The following FSTL4 variants were observed in gnomAD, a reference collection of about 807,000 sequenced individuals.
FSTL4 encodes the protein follistatin-related protein 4.
Under a neutral mutation model 78.2 loss-of-function variants are expected in FSTL4, and 28 were observed. That is an observed-to-expected ratio of 0.36 (90% CI 0.27 to 0.49). The LOEUF (loss-of-function observed/expected upper bound fraction) is 0.49, where lower values mean the gene tolerates loss of function less well. Among genes scored for constraint, FSTL4 ranks in the 20% least tolerant of loss-of-function variants. The pLI is 0.98. For synonymous variants in FSTL4, 422 were observed against 440.5 expected (o/e 0.96, Z 0.53); for missense variants, 922 against 1,084.9 (o/e 0.85, Z 2.11).
chr5:133,746,813 A>C, the FSTL4 span, among the ~76,000 whole-genome samples: 2 of 152,228 alleles, frequency 1.3e-5, no homozygotes, highest in Non-Finnish European at 2.9e-5. Flanking sequence ...CAGCAAATCT[A>C]ACCATTGAAA....
chr5:133,253,132 T>C (rs1752300154), intron 6 of FSTL4, among the ~76,000 whole-genome samples: 1 of 152,260 alleles, frequency 6.6e-6, no homozygotes, highest in Non-Finnish European at 1.5e-5. Flanking sequence ...AAGGGATTTA[T>C]GGCTACTGAG....
intron 5 of FSTL4, among the ~76,000 whole-genome samples, chr5:133,313,586 A>T (rs1277166772): frequency 6.6e-6 from 1 of 152,154 alleles, no homozygotes; most frequent in Non-Finnish European, 1.5e-5. Context: ...GAAAATGCTC[A>T]GAAGGAAATC....
intron 3 of FSTL4, among the ~76,000 whole-genome samples, chr5:133,563,026 T>A (rs1759952604): frequency 6.6e-6 from 1 of 152,096 alleles, no homozygotes; most frequent in South Asian, 2.1e-4. Context: ...CTGGAGGGAG[T>A]TATAAAAATA....
the FSTL4 span, among the ~76,000 whole-genome samples, chr5:133,712,492 G>A: frequency 3.9e-5 from 6 of 152,188 alleles, no homozygotes; most frequent in East Asian, 1.9e-4. Context: ...TTCCAGCCAC[G>A]TGACTTGGCA....
chr5:133,333,196 C>T (rs1264212867), intron 4 of FSTL4, among the ~76,000 whole-genome samples: 2 of 152,314 alleles, frequency 1.3e-5, no homozygotes, highest in East Asian at 3.9e-4. Flanking sequence ...CATCACAAAT[C>T]CCAGGTCATA....
intron 3 of FSTL4, among the ~76,000 whole-genome samples, chr5:133,562,487 G>T (rs1209228208): frequency 1.3e-5 from 2 of 152,074 alleles, no homozygotes; most frequent in Non-Finnish European, 2.9e-5. Flanking sequence ...GGTCATGTTT[G>T]CTTAGGAGAT....
the FSTL4 span, among the ~76,000 whole-genome samples, chr5:133,669,920 C>A: frequency 6.6e-6 from 1 of 152,122 alleles, no homozygotes; most frequent in Non-Finnish European, 1.5e-5. Context: ...TTTCCATGAA[C>A]CTCAAGATAA....
chr5:133,526,072 C>T (rs897897741), intron 3 of FSTL4, among the ~76,000 whole-genome samples: 34 of 152,092 alleles, frequency 2.2e-4, no homozygotes, highest in African/African-American at 5.6e-4. Context: ...GAGGAAAGCA[C>T]GACTTTAACA....
At chr5:133,401,843 TAGG>T (rs1327756399) in intron 3 of FSTL4, among the ~76,000 whole-genome samples, 4 of 149,028 alleles carry the variant, frequency 2.7e-5, no homozygotes, top group Admixed American at 6.6e-5. Flanking sequence ...TAGATGTGAG[TAGG>T]AGTTTTGTAC....
At chr5:133,646,640 G>C in the FSTL4 span, among the ~76,000 whole-genome samples, 1 of 152,178 alleles carries the variant, frequency 6.6e-6, no homozygotes, top group Non-Finnish European at 1.5e-5. Context: ...TCAAGGTGCA[G>C]AGGAGATGGA....
chr5:133,434,817 T>C (rs1757006034), intron 3 of FSTL4, among the ~76,000 whole-genome samples: 1 of 142,764 alleles, frequency 7.0e-6, no homozygotes, highest in South Asian at 2.2e-4. Flanking sequence ...TGGCCAAAAA[T>C]ATATTGTTAA....
At chr5:133,489,917 AC>A (rs1758222532) in intron 3 of FSTL4, among the ~76,000 whole-genome samples, 1 of 152,126 alleles carries the variant, frequency 6.6e-6, no homozygotes, top group African/African-American at 2.4e-5. Context: ...ATCTCCTACA[AC>A]TGCAACCAGT....
the FSTL4 span, among the ~76,000 whole-genome samples, chr5:133,744,044 T>C: frequency 6.6e-6 from 1 of 152,228 alleles, no homozygotes; most frequent in South Asian, 2.1e-4. Flanking sequence ...CTGTCTTTGG[T>C]GACATCATTC....
In FSTL4 at chr5:133,199,527, G is replaced by C; in HGVS notation, c.2097C>G (p.Arg699=). 3.7e-6 allele frequency: 6 copies of C among 1,614,134 alleles called. No homozygotes were observed. Among genetic ancestry groups the C allele is most frequent in the Non-Finnish European group, 5.1e-6 (6 of 1,179,938 alleles). ...TGTCAGCTGCAGCACTGACTATGAA[G>C]CGCCCGTCGGGGGATGTGTGTGGGG... ...TGTPHTSPDG[R]FIVSAAADSP... is the part of the protein sequence containing the mutation. The change falls in exon 16 of 16, where the codon CGC becomes CGG. Residue 699 remains arginine, a synonymous_variant. Transcript: ENST00000265342. This position sits in a 1 kb window ranked among gnomAD's most constrained non-coding sequence, Gnocchi z 4.4.
the FSTL4 span, among the ~76,000 whole-genome samples, chr5:133,720,209 G>A: frequency 1.3e-5 from 2 of 152,170 alleles, no homozygotes; most frequent in Admixed American, 6.5e-5. Context: ...TTCTCATTTT[G>A]TATCAAGGAG....
chr5:133,379,146 T>A (rs1321311369), intron 4 of FSTL4, among the ~76,000 whole-genome samples: 1 of 152,074 alleles, frequency 6.6e-6, no homozygotes, highest in Non-Finnish European at 1.5e-5. Context: ...AAAACAATGC[T>A]ACTGGAGATA....
chr5:133,674,556 C>T, the FSTL4 span, among the ~76,000 whole-genome samples: 6 of 151,782 alleles, frequency 4.0e-5, no homozygotes, highest in East Asian at 5.8e-4. Context: ...CCGTAGAGAA[C>T]GAGACAGGCA....
the FSTL4 span, among the ~76,000 whole-genome samples, chr5:133,752,972 T>G: frequency 1.3e-5 from 2 of 152,246 alleles, no homozygotes; most frequent in African/African-American, 4.8e-5. Flanking sequence ...CAAGACCTCT[T>G]TGTGATTCTC....
At chr5:133,666,804 A>G in the FSTL4 span, among the ~76,000 whole-genome samples, 1 of 152,252 alleles carries the variant, frequency 6.6e-6, no homozygotes, top group Admixed American at 6.5e-5. Context: ...ATAGAAATTA[A>G]GAAGGTTGTT....
Sources: gnomAD v4.1 joint callset for allele counts (sites outside exome capture counted in the v4.1 genomes callset) on GRCh38, gnomAD v4.1.1 for gene constraint, Gnocchi (gnomAD v3.1) non-coding constraint, MANE v1.5 for transcripts, NCBI Gene and HGNC (gene_info 2026-07-23, HGNC 2026-07-21) for gene names.